EPHB1: variants seen among roughly 807,000 people sequenced by gnomAD.
The protein encoded by EPHB1 is ephrin type-B receptor 1.
EPHB1 carries 30 observed loss-of-function variants against 94.4 expected under a neutral mutation model. The observed-to-expected ratio is 0.32, with a 90% CI of 0.24 to 0.43. The LOEUF (loss-of-function observed/expected upper bound fraction) is 0.43, where lower values mean the gene tolerates loss of function less well. EPHB1 is among the 20% of genes least tolerant of loss of function. EPHB1 has a pLI of 1.00. For synonymous variants in EPHB1, 522 were observed against 489.1 expected (o/e 1.07, Z -0.89); for missense variants, 1,055 against 1,308.3 (o/e 0.81, Z 2.99).
chr3:135,126,711 A>C (rs1004268784), intron 4 of EPHB1, among the ~76,000 whole-genome samples: 4 of 152,152 alleles, frequency 2.6e-5, no homozygotes, highest in African/African-American at 9.7e-5. Flanking sequence ...ATTGATTTGC[A>C]CTGGTCATGT....
At chr3:134,887,621 C>G (rs1042502552) in intron 1 of EPHB1, among the ~76,000 whole-genome samples, 8 of 152,142 alleles carry the variant, frequency 5.3e-5, no homozygotes, top group Non-Finnish European at 2.9e-5. Context: ...ACCAAAACAC[C>G]TCATTATAAA....
At chr3:135,111,743 G>C (rs1028343056) in intron 4 of EPHB1, among the ~76,000 whole-genome samples, 1 of 152,108 alleles carries the variant, frequency 6.6e-6, no homozygotes, top group African/African-American at 2.4e-5. Flanking sequence ...GCAGTGGCGT[G>C]ATCTCAGCTC....
intron 11 of EPHB1, among the ~76,000 whole-genome samples, chr3:135,198,104 A>G (rs971084420): frequency 6.6e-6 from 1 of 152,208 alleles, no homozygotes; most frequent in Non-Finnish European, 1.5e-5. Flanking sequence ...GAAGACCCAG[A>G]TAAGAGTAGC....
intron 6 of EPHB1, among the ~76,000 whole-genome samples, chr3:135,155,569 T>C (rs1286517429): frequency 6.6e-6 from 1 of 151,894 alleles, no homozygotes; most frequent in Non-Finnish European, 1.5e-5. Flanking sequence ...GTTGGGAGGC[T>C]GAGGCAGGCA....
chr3:134,948,998 T>C (rs1932904999), intron 2 of EPHB1, among the ~76,000 whole-genome samples: 1 of 152,060 alleles, frequency 6.6e-6, no homozygotes, highest in Admixed American at 6.5e-5. Flanking sequence ...AGTTGTGAGT[T>C]TGGGGATGTT....
intron 3 of EPHB1, among the ~76,000 whole-genome samples, chr3:135,086,315 C>G (rs1438617657): frequency 7.2e-6 from 1 of 139,642 alleles, no homozygotes; most frequent in Non-Finnish European, 1.5e-5. Context: ...AGGCACACCT[C>G]AAGAGAAACT....
intron 3 of EPHB1, among the ~76,000 whole-genome samples, chr3:135,104,631 T>C (rs1383096077): frequency 6.6e-6 from 1 of 152,214 alleles, no homozygotes; most frequent in Admixed American, 6.5e-5. Context: ...TAAAAAGTTT[T>C]AAAAGTTCTC....
chr3:134,916,536 C>T (rs906268678), intron 1 of EPHB1, among the ~76,000 whole-genome samples: 2 of 152,242 alleles, frequency 1.3e-5, no homozygotes, highest in Admixed American at 6.5e-5. Context: ...TGGCGAGAAT[C>T]GAGTGCAGCT....
chr3:134,987,322 G>C (rs1934635236), intron 3 of EPHB1, among the ~76,000 whole-genome samples: 1 of 152,152 alleles, frequency 6.6e-6, no homozygotes, highest in Non-Finnish European at 1.5e-5. Flanking sequence ...TAGGGCCTAA[G>C]GCTCTAATGT....
At chr3:134,862,359 G>T (rs1006832670) in intron 1 of EPHB1, among the ~76,000 whole-genome samples, 3 of 152,050 alleles carry the variant, frequency 2.0e-5, no homozygotes, top group Non-Finnish European at 4.4e-5. Flanking sequence ...GGTGTCTTTA[G>T]TTTGTCTTCA....
chr3:135,129,993 A>G (rs1273514260), intron 4 of EPHB1, among the ~76,000 whole-genome samples: 1 of 152,192 alleles, frequency 6.6e-6, no homozygotes, highest in African/African-American at 2.4e-5. Context: ...CTTGAATGAC[A>G]TGGAAAGGAG....
At chr3:134,982,044 G>T (rs1042863498) in intron 3 of EPHB1, among the ~76,000 whole-genome samples, 1 of 152,202 alleles carries the variant, frequency 6.6e-6, no homozygotes, top group East Asian at 1.9e-4. Context: ...CTTCACAGGG[G>T]TTAAGTTGCT....
chr3:134,859,338 T>A (rs1251880848), intron 1 of EPHB1, among the ~76,000 whole-genome samples: 4 of 152,186 alleles, frequency 2.6e-5, no homozygotes, highest in African/African-American at 9.7e-5. Flanking sequence ...TAAGGGAAAC[T>A]CACCTTGGGC....
intron 1 of EPHB1, among the ~76,000 whole-genome samples, chr3:134,914,858 G>A (rs1203016133): frequency 6.6e-6 from 1 of 152,142 alleles, no homozygotes; most frequent in African/African-American, 2.4e-5. Context: ...AGCTATAGGA[G>A]GGGCCACCAG....
At chr3:135,104,232 G>C (rs555612959) in intron 3 of EPHB1, among the ~76,000 whole-genome samples, 11 of 152,158 alleles carry the variant, frequency 7.2e-5, no homozygotes, top group African/African-American at 2.4e-4. Flanking sequence ...TAGGAAAAGA[G>C]CCAAGTGTTT....
chr3:135,202,024 G>T (rs1942770298), intron 12 of EPHB1, among the ~76,000 whole-genome samples: 2 of 152,152 alleles, frequency 1.3e-5, no homozygotes, highest in Admixed American at 1.3e-4. Flanking sequence ...TGTCAGCAGA[G>T]AGCAGACCCC....
rs773800250 is a variant in EPHB1, at chr3:134,952,002, G to A, written c.755G>A (p.Arg252Gln). The A allele has an allele frequency of 5.6e-6, 9 of 1,613,310 alleles. No individual in the cohort carries two copies. The highest frequency in any genetic ancestry group is 2.2e-5 in the South Asian group (2 of 91,012). The stretch of plus-strand genomic sequence containing the variant: ...GGGGAATGGATGGTGCCTATTGGGC[G>A]ATGCACCTGCAAGCCTGGCTATGAG... ...GDGEWMVPIG[R>Q]CTCKPGYEPE... The change falls in exon 3 of 16, where the codon CGA becomes CAA. Residue 252 changes from arginine (R) to glutamine (Q), a missense_variant. Physicochemically the swap from Arg to Gln is conservative, Grantham distance 43 (BLOSUM62 1). Coordinates refer to ENST00000398015, the MANE Select transcript of EPHB1 (RefSeq NM_004441.5).
intron 12 of EPHB1, among the ~76,000 whole-genome samples, chr3:135,231,352 G>A (rs528227251): frequency 3.7e-4 from 56 of 152,180 alleles, no homozygotes; most frequent in Non-Finnish European, 6.3e-4. Flanking sequence ...GAAAAATGAC[G>A]TCTGTTTGGT....
chr3:135,121,308 T>G (rs1446417563), intron 4 of EPHB1, among the ~76,000 whole-genome samples: 3 of 152,200 alleles, frequency 2.0e-5, no homozygotes, highest in Non-Finnish European at 2.9e-5. Flanking sequence ...TCTCCACACT[T>G]GCATCTGCAT....
Sources: allele counts gnomAD v4.1 joint callset (sites outside exome capture counted in the v4.1 genomes callset), GRCh38; gene constraint gnomAD v4.1.1; transcripts MANE v1.5; gene names NCBI Gene and HGNC (gene_info 2026-07-23, HGNC 2026-07-21).